The following TANC2 variants were observed in gnomAD, a reference collection of about 807,000 sequenced individuals.
TANC2 encodes tetratricopeptide repeat, ankyrin repeat and coiled-coil containing 2.
TANC2 carries 26 observed loss-of-function variants against 210.5 expected under a neutral mutation model. The observed-to-expected ratio is 0.12, with a 90% CI of 0.09 to 0.17. The LOEUF is 0.17. TANC2 is among the 10% of genes least tolerant of loss of function. The probability of loss-of-function intolerance (pLI) is 1.00; values close to 1 mark genes in which losing one functional copy is unlikely to be tolerated. For synonymous variants in TANC2, 931 were observed against 967.1 expected (o/e 0.96, Z 0.69); for missense variants, 2,129 against 2,608.9 (o/e 0.82, Z 4.01).
rs544064603 is a variant in TANC2, at chr17:63,378,966, A to C, written c.2583-752A>C. 1.1e-3 allele frequency among the ~76,000 whole-genome samples: 171 copies of C among 152,298 alleles called. 2 individuals are homozygous for C. Among genetic ancestry groups the C allele is most frequent in the African/African-American group, 3.8e-3 (158 of 41,568 alleles). On this transcript the variant is annotated intron_variant, in intron 14 of 27. Coordinates refer to ENST00000689528, the Ensembl canonical transcript of TANC2. ...AGACAGTTGGATATATACTGGCCTAAGGCTGAGAAGAAAAGTCTAAATAAA... is the reference window on the plus strand; with the variant it reads ...AGACAGTTGGATATATACTGGCCTACGGCTGAGAAGAAAAGTCTAAATAAA...
At chr17:63,303,701 G>A (rs1259499808) in intron 9 of TANC2, among the ~76,000 whole-genome samples, 1 of 152,064 alleles carries the variant, frequency 6.6e-6, no homozygotes, top group Admixed American at 6.5e-5. Flanking sequence ...TTCCAACTTG[G>A]TTCCATTTTC....
chr17:63,287,106 T>C (rs1262735222), intron 9 of TANC2, among the ~76,000 whole-genome samples: 1 of 152,140 alleles, frequency 6.6e-6, no homozygotes, highest in Non-Finnish European at 1.5e-5. Context: ...CTAATTTTTC[T>C]ATTTTTAGTA....
At chr17:63,196,860 C>G (rs2041362274) in intron 6 of TANC2, among the ~76,000 whole-genome samples, 1 of 152,152 alleles carries the variant, frequency 6.6e-6, no homozygotes, top group Admixed American at 6.5e-5. Flanking sequence ...TAGTAGAGTT[C>G]ATTCATATTC....
intron 21 of TANC2, among the ~76,000 whole-genome samples, chr17:63,409,478 A>G (rs1054794078): frequency 2.6e-5 from 4 of 152,196 alleles, no homozygotes; most frequent in Non-Finnish European, 4.4e-5. Context: ...GAGTTACTGC[A>G]CCCAGCCAAA....
intron 12 of TANC2, among the ~76,000 whole-genome samples, chr17:63,350,465 C>T (rs941768815): frequency 1.3e-5 from 2 of 152,164 alleles, no homozygotes; most frequent in Non-Finnish European, 2.9e-5. Context: ...GTGCAGAAGC[C>T]TGAAATTTTC....
intron 7 of TANC2, among the ~76,000 whole-genome samples, chr17:63,201,998 C>T (rs1444260656): frequency 1.3e-5 from 2 of 152,040 alleles, no homozygotes; most frequent in African/African-American, 4.8e-5. Flanking sequence ...ATTTTGACAA[C>T]TAGAAAATAT....
intron 12 of TANC2, among the ~76,000 whole-genome samples, chr17:63,346,112 A>G (rs1488257784): frequency 2.0e-5 from 3 of 152,208 alleles, no homozygotes; most frequent in Non-Finnish European, 4.4e-5. Context: ...CACACTATAC[A>G]CCAAAATTAA....
At chr17:63,055,575 C>G (rs2144446455) in intron 2 of TANC2, among the ~76,000 whole-genome samples, 1 of 150,878 alleles carries the variant, frequency 6.6e-6, no homozygotes. Flanking sequence ...TGAGTAAGTT[C>G]TATCATCATG....
intron 21 of TANC2, among the ~76,000 whole-genome samples, chr17:63,407,619 T>G (rs2048554838): frequency 6.6e-6 from 1 of 152,220 alleles, no homozygotes; most frequent in Non-Finnish European, 1.5e-5. Context: ...TTAGGCTATG[T>G]TATTAGCAGA....
At chr17:63,219,173 A>G (rs776290871) in intron 7 of TANC2, among the ~76,000 whole-genome samples, 7 of 152,196 alleles carry the variant, frequency 4.6e-5, no homozygotes, top group African/African-American at 9.7e-5. Flanking sequence ...TAAGATGTCA[A>G]TTCTTTCTAA....
intron 25 of TANC2, 76 bp from the exon 26 acceptor site, chr17:63,415,452 G>C (rs1247514431): frequency 1.3e-6 from 2 of 1,557,852 alleles, no homozygotes; most frequent in Non-Finnish European, 1.7e-6. Context: ...CTGAGAAGAA[G>C]AAGGGAGTGG....
Position 63,304,435 on chromosome 17 carries a change from A to T in TANC2, c.1160-9953A>T, listed in dbSNP as rs560044285. ...TTCTCACTCGAGGAGGCTGGAGAGC[A>T]GCAAAGATGGGTGCTTGCTCCTTCC... is the stretch of plus-strand genomic sequence containing the variant. On this transcript the variant is annotated intron_variant, in intron 9 of 27. Coordinates refer to ENST00000689528, the Ensembl canonical transcript of TANC2. Among the ~76,000 whole-genome samples, 5 of 152,290 alleles carry T rather than the reference A, an allele frequency of 3.3e-5. No individual in the cohort carries two copies. The East Asian group carries it at 9.7e-4, about 29-fold the overall frequency.
chr17:63,379,518 A>G (rs992376794), intron 14 of TANC2, among the ~76,000 whole-genome samples, 200 bp from the exon 15 acceptor site: 2 of 152,142 alleles, frequency 1.3e-5, no homozygotes, highest in African/African-American at 4.8e-5. Flanking sequence ...AAAATAGAAA[A>G]ATTAGCCAGA....
chr17:63,276,033 A>T (rs1381597940), intron 9 of TANC2, among the ~76,000 whole-genome samples: 1 of 152,150 alleles, frequency 6.6e-6, no homozygotes, highest in African/African-American at 2.4e-5. Flanking sequence ...AGTAACCATA[A>T]TGCCAATAAA....
chr17:63,415,790 G>A, intron 26 of TANC2, 116 bp downstream of exon 26: 2 of 1,246,888 alleles, frequency 1.6e-6, no homozygotes, highest in Non-Finnish European at 2.2e-6. Context: ...GAACTTGGTT[G>A]TCCTTCACAG....
chr17:63,241,644 A>G (rs954806960), intron 8 of TANC2, among the ~76,000 whole-genome samples: 1 of 152,206 alleles, frequency 6.6e-6, no homozygotes, highest in African/African-American at 2.4e-5. Context: ...GGCAATCCCA[A>G]CGTTCATTCT....
chr17:63,199,621 A>C (rs1384991082), intron 6 of TANC2, among the ~76,000 whole-genome samples: 1 of 151,210 alleles, frequency 6.6e-6, no homozygotes, highest in Admixed American at 6.6e-5. Flanking sequence ...TCCATCTCAA[A>C]AAAAAAAAAA....
At chr17:63,339,179 G>A (rs1213913155) in intron 11 of TANC2, 1 of 152,272 alleles carries the variant, frequency 6.6e-6, no homozygotes, top group Non-Finnish European at 1.5e-5. Context: ...GTGATTAGTA[G>A]GTGCTGAGCA....
At chr17:63,425,981 A>G in exon 28 of TANC2, 1 of 152,194 alleles carries the variant, frequency 6.6e-6, no homozygotes, top group East Asian at 1.9e-4. Context: ...CTTGGACAAA[A>G]CCAGTGCTCA....
Sources: gnomAD v4.1 joint callset for allele counts (sites outside exome capture counted in the v4.1 genomes callset) on GRCh38, gnomAD v4.1.1 for gene constraint, MANE v1.5 for transcripts, NCBI Gene and HGNC (gene_info 2026-07-23, HGNC 2026-07-21) for gene names.